Variants in CGNL1 observed in about 807,000 individuals in gnomAD.
CGNL1 encodes cingulin like 1.
Under a neutral mutation model 141.2 loss-of-function variants are expected in CGNL1, and 132 were observed. That is an observed-to-expected ratio of 0.93 (90% CI 0.81 to 1.08). CGNL1 has a LOEUF of 1.08. Among genes scored for constraint, CGNL1 ranks in the 50% least tolerant of loss-of-function variants. The probability of loss-of-function intolerance (pLI) is 0.00; values close to 1 mark genes in which losing one functional copy is unlikely to be tolerated. For missense variants in CGNL1, 1,870 were observed against 1,588.6 expected (o/e 1.18, Z -3.01); for synonymous variants, 690 against 622.1 (o/e 1.11, Z -1.63).
chr15:57,399,654 A>T lies in CGNL1; in HGVS notation c.-16+23087A>T, dbSNP rs529649738. Among the ~76,000 whole-genome samples the T allele has an allele frequency of 8.5e-5, 13 of 152,188 alleles. No homozygotes were observed. The South Asian group carries it at 1.5e-3, about 17-fold the overall frequency. On this transcript the variant is annotated intron_variant, in intron 1 of 18. Transcript: ENST00000281282. ...ACATTTCTGATTTTACATCTTCATGACAATGAGTAAAGATCTCTGAGTTTT... is the reference window on the plus strand; with the variant it reads ...ACATTTCTGATTTTACATCTTCATGTCAATGAGTAAAGATCTCTGAGTTTT...
intron 10 of CGNL1, among the ~76,000 whole-genome samples, chr15:57,520,583 A>C (rs548720492): frequency 6.6e-6 from 1 of 152,190 alleles, no homozygotes; most frequent in Non-Finnish European, 1.5e-5. Context: ...GTCTAGGGCT[A>C]CTGGAACTGC....
chr15:57,410,826 A>C (rs1260858968), intron 1 of CGNL1, among the ~76,000 whole-genome samples: 3 of 152,162 alleles, frequency 2.0e-5, no homozygotes, highest in Non-Finnish European at 4.4e-5. Flanking sequence ...TCTCTTGCTA[A>C]AAAAATAAAA....
intron 14 of CGNL1, among the ~76,000 whole-genome samples, chr15:57,541,999 C>T (rs1038990368): frequency 2.6e-5 from 4 of 152,224 alleles, no homozygotes; most frequent in Admixed American, 2.0e-4. Context: ...TAGCCCCCTT[C>T]CCCGTTGCCC....
intron 1 of CGNL1, among the ~76,000 whole-genome samples, chr15:57,382,851 C>G (rs28507951): frequency 1.3e-3 from 198 of 152,122 alleles, no homozygotes; most frequent in African/African-American, 4.7e-3. Context: ...GGTATTCCAA[C>G]TAGGACTGTT....
rs1419171196 is a variant in CGNL1 at position 57,451,991 on chromosome 15, A to G, written c.1906-150A>G. ...AAATGTTTGATGTTCTTTCTAGTTA[A>G]GAACTCCTGTGCCTTAATTATATAG... is the stretch of plus-strand genomic sequence containing the variant. On this transcript the variant is annotated intron_variant, in intron 5 of 18. Coordinates refer to ENST00000281282, the MANE Select transcript of CGNL1 (RefSeq NM_032866.5). 1.0e-5 allele frequency: 6 copies of G among 600,054 alleles called. No homozygotes were observed. The Admixed American group carries it at 1.1e-4, about 11-fold the overall frequency. The allele number at this position is 600,054 out of a possible 1,614,324, so 37.2% of individuals were successfully genotyped here. A position where few individuals can be genotyped will look rare whatever the true frequency, so the allele number is the denominator to read the frequency against.
At chr15:57,435,407 G>GTTTTTTTTTTTTTTTTTTTTTTTTT (rs1249529527) in intron 1 of CGNL1, among the ~76,000 whole-genome samples, 1 of 96,864 alleles carries the variant, frequency 1.0e-5, no homozygotes, top group African/African-American at 3.7e-5. Context: ...AAATTTGCAG[G>GTTTTTTTTTTTTTTTTTTTTTTTTT]TTTTTTTGTT....
intron 13 of CGNL1, among the ~76,000 whole-genome samples, chr15:57,531,102 G>A (rs2031927847): frequency 6.6e-6 from 1 of 152,198 alleles, no homozygotes; most frequent in South Asian, 2.1e-4. Flanking sequence ...GTTAGATTAG[G>A]AGCCAACAAA....
intron 8 of CGNL1, among the ~76,000 whole-genome samples, chr15:57,481,939 G>A (rs2063731645): frequency 6.6e-6 from 1 of 152,112 alleles, no homozygotes; most frequent in South Asian, 2.1e-4. Flanking sequence ...TTGTCAATAT[G>A]TTGTATTTTA....
At chr15:57,528,289 C>T (rs560460726) in intron 12 of CGNL1, among the ~76,000 whole-genome samples, 1 of 152,040 alleles carries the variant, frequency 6.6e-6, no homozygotes, top group Admixed American at 6.6e-5. Flanking sequence ...CTATATCTTG[C>T]AACCCAGGAA....
At chr15:57,418,249 C>G (rs1325676057) in intron 1 of CGNL1, among the ~76,000 whole-genome samples, 3 of 152,146 alleles carry the variant, frequency 2.0e-5, no homozygotes, top group Non-Finnish European at 4.4e-5. Context: ...CACCCCAGTC[C>G]ATATTTCCTG....
rs754921280 is a variant in CGNL1 at position 57,461,882 on chromosome 15, A to G, written c.2393A>G (p.Glu798Gly). 3.7e-6 allele frequency: 6 copies of G among 1,613,704 alleles called. No homozygotes were observed. In the South Asian group the frequency reaches 6.6e-5, roughly 18 times the overall value. The stretch of plus-strand genomic sequence containing the variant: ...CAGGCCCTGAGGGAGAGTGTGGAAG[A>G]AGCAACCAAGGTGAGGGATGGGGCA... The part of the protein sequence containing the change: ...ELQALRESVE[E>G]ATKNVEVLAS... Residue 798 changes from glutamate to glycine, a missense_variant, in exon 8 of 19, where the codon GAA (glutamate) becomes GGA (glycine). Coordinates refer to ENST00000281282, the MANE Select transcript of CGNL1 (RefSeq NM_032866.5).
chr15:57,440,234 A>G, intron 2 of CGNL1, 143 bp from the exon 3 acceptor site: 1 of 632,062 alleles, frequency 1.6e-6, no homozygotes, highest in Non-Finnish European at 2.8e-6. Context: ...GGCGAGGAGA[A>G]GTTAAGTAAC....
At chr15:57,448,477 T>C (rs1196011115) in intron 4 of CGNL1, among the ~76,000 whole-genome samples, 3 of 151,986 alleles carry the variant, frequency 2.0e-5, no homozygotes, top group Non-Finnish European at 4.4e-5. Flanking sequence ...GGTGAAACCC[T>C]GTCTCTACTA....
chr15:57,423,923 G>A (rs1421397618), intron 1 of CGNL1, among the ~76,000 whole-genome samples: 13 of 152,202 alleles, frequency 8.5e-5, no homozygotes, highest in African/African-American at 2.7e-4. Flanking sequence ...CAGAGCCACC[G>A]CAGCTCGGTG....
intron 10 of CGNL1, 82 bp from the exon 11 acceptor site, chr15:57,523,407 A>G (rs1284986400): frequency 5.7e-6 from 7 of 1,237,610 alleles, no homozygotes; most frequent in Non-Finnish European, 8.2e-6. Flanking sequence ...TTGCAGTGTG[A>G]CTATGAAGTT....
rs1213406518 is a variant in CGNL1, at chr15:57,544,605, G to A, written c.3500+8G>A. ...CCTGGAGAGTGAGGAGAGGTGAGCC[G>A]GGCCCACCCACTGCAGTGCGGAGGC... On this transcript the variant is annotated splice_region_variant and intron_variant, in intron 16 of 18. Transcript: ENST00000281282. 1.1e-5 allele frequency: 18 copies of A among 1,568,264 alleles called. No homozygotes were observed. Among genetic ancestry groups the A allele is most frequent in the African/African-American group, 2.7e-5 (2 of 74,188 alleles).
At chr15:57,450,435 C>A (rs1247483167) in intron 4 of CGNL1, among the ~76,000 whole-genome samples, 1 of 152,138 alleles carries the variant, frequency 6.6e-6, no homozygotes, top group Non-Finnish European at 1.5e-5. Context: ...TGCCACTACG[C>A]CCGGCTAATT....
intron 7 of CGNL1, among the ~76,000 whole-genome samples, chr15:57,454,197 T>C (rs1273618739): frequency 1.3e-5 from 2 of 152,230 alleles, no homozygotes; most frequent in Non-Finnish European, 2.9e-5. Flanking sequence ...TGATGTTTGC[T>C]GTAACATTAT....
rs779578832 is a variant in CGNL1 at position 57,461,859 on chromosome 15, G to A, written c.2370G>A (p.Gln790=). 2.5e-6 allele frequency: 4 copies of A among 1,613,876 alleles called. No homozygotes were observed. Among genetic ancestry groups the A allele is most frequent in the Non-Finnish European group, 3.4e-6 (4 of 1,179,998 alleles). ...KLKEQYDAEL[Q]ALRESVEEAT... ...AGGAGCAATATGATGCTGAGTTGCA[G>A]GCCCTGAGGGAGAGTGTGGAAGAAG... is the stretch of plus-strand genomic sequence containing the variant. The change falls in exon 8 of 19, where the codon CAG becomes CAA. Residue 790 remains glutamine (Q), a synonymous_variant. Transcript: ENST00000281282.
Sources: gnomAD v4.1 joint callset for allele counts (sites outside exome capture counted in the v4.1 genomes callset) on GRCh38, gnomAD v4.1.1 for gene constraint, MANE v1.5 for transcripts, NCBI Gene and HGNC (gene_info 2026-07-23, HGNC 2026-07-21) for gene names.